The following DIAPH3 variants were observed in gnomAD, a reference collection of about 807,000 sequenced individuals.
The protein encoded by DIAPH3 is diaphanous related formin 3.
Under a neutral mutation model 144.3 loss-of-function variants are expected in DIAPH3, and 117 were observed. The ratio of observed to expected loss-of-function variants is 0.81; its 90% CI spans 0.70 to 0.95. The LOEUF (loss-of-function observed/expected upper bound fraction) is 0.95, where lower values mean the gene tolerates loss of function less well. Among genes scored for constraint, DIAPH3 ranks in the 40% least tolerant of loss-of-function variants. The pLI, the probability that DIAPH3 is intolerant of heterozygous loss-of-function variation, is 0.00. For synonymous variants in DIAPH3, 519 were observed against 488.9 expected (o/e 1.06, Z -0.81); for missense variants, 1,421 against 1,412.7 (o/e 1.01, Z -0.09).
intron 27 of DIAPH3, among the ~76,000 whole-genome samples, chr13:59,734,336 G>A (rs77831358): frequency 1.9e-3 from 290 of 152,136 alleles, no homozygotes; most frequent in African/African-American, 6.5e-3. Flanking sequence ...TGAAAAGTGG[G>A]TCTAATCCAA....
chr13:60,021,880 G>A (rs1351750009), intron 5 of DIAPH3, among the ~76,000 whole-genome samples: 2 of 152,012 alleles, frequency 1.3e-5, no homozygotes, highest in Non-Finnish European at 2.9e-5. Context: ...AGCAAATTGA[G>A]TTGAGTCTCT....
At chr13:59,839,673 C>T (rs2042235579) in intron 22 of DIAPH3, among the ~76,000 whole-genome samples, 1 of 152,102 alleles carries the variant, frequency 6.6e-6, no homozygotes, top group Non-Finnish European at 1.5e-5. Context: ...AAGAAATGCT[C>T]ACACACACAA....
intron 4 of DIAPH3, among the ~76,000 whole-genome samples, chr13:60,083,382 A>G (rs2057631262): frequency 6.6e-6 from 1 of 152,032 alleles, no homozygotes; most frequent in African/African-American, 2.4e-5. Context: ...TTGTAAAAGT[A>G]TCCCAATAAA....
At chr13:59,698,143 C>T (rs1252990090) in intron 27 of DIAPH3, among the ~76,000 whole-genome samples, 1 of 152,176 alleles carries the variant, frequency 6.6e-6, no homozygotes, top group East Asian at 1.9e-4. Context: ...TGGACAGCAT[C>T]CTTTCAATGA....
chr13:59,980,206 C>G (rs1043333815), intron 14 of DIAPH3, among the ~76,000 whole-genome samples: 2 of 151,540 alleles, frequency 1.3e-5, no homozygotes, highest in Non-Finnish European at 3.0e-5. Flanking sequence ...TAATATCCAA[C>G]AGCTATGACC....
intron 27 of DIAPH3, among the ~76,000 whole-genome samples, chr13:59,712,686 G>A (rs1242562061): frequency 6.6e-6 from 1 of 152,128 alleles, no homozygotes; most frequent in African/African-American, 2.4e-5. Context: ...TTATTGACTT[G>A]TCATCCCCCA....
At chr13:60,114,244 T>A (rs1452963171) in intron 2 of DIAPH3, among the ~76,000 whole-genome samples, 5 of 143,170 alleles carry the variant, frequency 3.5e-5, no homozygotes, top group Admixed American at 1.4e-4. Flanking sequence ...ATGAGATGAA[T>A]AATTTCAGCA....
At chr13:59,827,661 C>T (rs2041521260) in intron 24 of DIAPH3, among the ~76,000 whole-genome samples, 1 of 151,900 alleles carries the variant, frequency 6.6e-6, no homozygotes, top group South Asian at 2.1e-4. Context: ...TCCACCCGTA[C>T]CAATTAGGAG....
In DIAPH3 at chr13:59,810,829, T is replaced by C. The variant is rs7491389; in HGVS notation, c.3122A>G (p.Glu1041Gly). 6.2e-7 allele frequency: 1 copy of C among 1,613,582 alleles called. No homozygotes were observed. Among genetic ancestry groups the C allele is most frequent in the Non-Finnish European group, 8.5e-7 (1 of 1,179,936 alleles). The change falls in exon 25 of 28, where the codon GAA becomes GGA. Residue 1041 changes from glutamate to glycine, a missense_variant. Transcript: ENST00000400324. ...TAAACGCTTTTTCTTTTGTTGGCGT[T>C]CGAGTCTTTCTCGCTCTGCTAATTC... ...AKELAERERL[E>G]RQQKKKRLLE...
intron 27 of DIAPH3, among the ~76,000 whole-genome samples, chr13:59,757,842 T>C (rs1256406920): frequency 1.3e-5 from 2 of 152,200 alleles, no homozygotes; most frequent in African/African-American, 4.8e-5. Flanking sequence ...AATCTATTCA[T>C]TCTCAATATG....
At chr13:60,034,903 G>A (rs2055096928) in intron 5 of DIAPH3, 1 of 152,106 alleles carries the variant, frequency 6.6e-6, no homozygotes, top group African/African-American at 2.4e-5. Flanking sequence ...ATATGAAACT[G>A]CGTTAAAAAT....
At position 59,918,944 on chromosome 13, in the gene DIAPH3, CAAA is replaced by C. The variant is rs34985752; in HGVS notation, c.2171-2698_2171-2696del. On this transcript the variant is annotated intron_variant, in intron 18 of 27. Transcript: ENST00000400324. ...AAGTTCAGTGAACTTCAAGAAAATACAAAAAAAAAAAAAAAAAATCAGTATTTT... is the reference window on the plus strand; with the variant it reads ...AAGTTCAGTGAACTTCAAGAAAATACAAAAAAAAAAAAAAATCAGTATTTT... Among the ~76,000 whole-genome samples, 277 of 117,474 alleles carry C rather than the reference CAAA, an allele frequency of 2.4e-3. 2 individuals are homozygous for C. The highest frequency in any genetic ancestry group is 4.5e-3 in the Middle Eastern group (1 of 222). The allele number at this position is 117,474 out of a possible 152,430, so 77.1% of individuals were successfully genotyped here. A position where few individuals can be genotyped will look rare whatever the true frequency, so the allele number is the denominator to read the frequency against.
At chr13:59,848,245 C>T (rs549878863) in intron 22 of DIAPH3, among the ~76,000 whole-genome samples, 2 of 150,626 alleles carry the variant, frequency 1.3e-5, no homozygotes, top group African/African-American at 2.4e-5. Context: ...TCAGATGTCA[C>T]TCTTTTGCTC....
chr13:60,151,669 C>T (rs1314517024), intron 1 of DIAPH3, among the ~76,000 whole-genome samples: 1 of 152,134 alleles, frequency 6.6e-6, no homozygotes, highest in African/African-American at 2.4e-5. Flanking sequence ...CCAGGCACCA[C>T]ACAGAAAGTG....
chr13:59,876,925 C>T (rs2044667003), intron 21 of DIAPH3, among the ~76,000 whole-genome samples: 1 of 152,080 alleles, frequency 6.6e-6, no homozygotes, highest in Non-Finnish European at 1.5e-5. Flanking sequence ...TTGCTTGCCT[C>T]CTTCTCCTTC....
chr13:59,983,083 C>T (rs557021897), intron 13 of DIAPH3, among the ~76,000 whole-genome samples: 3 of 125,108 alleles, frequency 2.4e-5, no homozygotes, highest in South Asian at 4.9e-4. Flanking sequence ...AAGTGCCTGA[C>T]GAAAACTTTA....
At chr13:59,780,257 T>C (rs1348188101) in intron 25 of DIAPH3, among the ~76,000 whole-genome samples, 1 of 152,122 alleles carries the variant, frequency 6.6e-6, no homozygotes, top group Non-Finnish European at 1.5e-5. Context: ...TAGTGAATGA[T>C]GACTCGAAGA....
chr13:59,960,888 T>C (rs1285323494), intron 17 of DIAPH3, among the ~76,000 whole-genome samples: 2 of 151,614 alleles, frequency 1.3e-5, no homozygotes, highest in African/African-American at 2.4e-5. Flanking sequence ...AATCAGCAAA[T>C]AAAAACGAGC....
chr13:59,950,991 C>A (rs933939107), intron 17 of DIAPH3, among the ~76,000 whole-genome samples: 4 of 152,004 alleles, frequency 2.6e-5, no homozygotes, highest in African/African-American at 9.7e-5. Context: ...TTTTCTGTAA[C>A]ATAATTATTC....
Sources: gnomAD v4.1 joint callset for allele counts (sites outside exome capture counted in the v4.1 genomes callset) on GRCh38, gnomAD v4.1.1 for gene constraint, MANE v1.5 for transcripts, NCBI Gene and HGNC (gene_info 2026-07-23, HGNC 2026-07-21) for gene names.